Variants in USP32 observed in about 807,000 individuals in gnomAD.
USP32 encodes ubiquitin carboxyl-terminal hydrolase 32.
USP32 carries 59 observed loss-of-function variants against 204.8 expected under a neutral mutation model. That is an observed-to-expected ratio of 0.29 (90% confidence interval 0.23 to 0.36). The LOEUF (loss-of-function observed/expected upper bound fraction) is 0.36. Among genes scored for constraint, USP32 ranks in the 10% least tolerant of loss-of-function variants. The probability of loss-of-function intolerance (pLI) is 1.00; values close to 1 mark genes in which losing one functional copy is unlikely to be tolerated. For missense variants in USP32, 1,160 were observed against 1,946.4 expected (o/e 0.60, Z 7.60); for synonymous variants, 517 against 678.4 (o/e 0.76, Z 3.70).
At chr17:60,360,565 A>G (rs1342398403) in intron 1 of USP32, among the ~76,000 whole-genome samples, 1 of 151,910 alleles carries the variant, frequency 6.6e-6, no homozygotes, top group Admixed American at 6.6e-5. Flanking sequence ...AGGCTGAGGC[A>G]GGAGAATTGC....
intron 1 of USP32, among the ~76,000 whole-genome samples, chr17:60,354,168 G>T (rs973944090): frequency 6.6e-6 from 1 of 152,052 alleles, no homozygotes; most frequent in Non-Finnish European, 1.5e-5. Flanking sequence ...CAATACTGGT[G>T]TTCTATTCCC....
intron 2 of USP32, among the ~76,000 whole-genome samples, chr17:60,307,727 C>T (rs989234786): frequency 3.9e-5 from 6 of 152,226 alleles, no homozygotes; most frequent in African/African-American, 1.4e-4. Flanking sequence ...GCCCACAGAC[C>T]TAGGTGAGGA....
At chr17:60,290,042 A>G (rs905912011) in intron 4 of USP32, among the ~76,000 whole-genome samples, 22 of 152,208 alleles carry the variant, frequency 1.4e-4, no homozygotes, top group Non-Finnish European at 2.8e-4. Context: ...AAAGTGGATC[A>G]TACAAATTGG....
intron 4 of USP32, among the ~76,000 whole-genome samples, chr17:60,292,331 A>G (rs1395956151): frequency 2.6e-5 from 4 of 152,126 alleles, no homozygotes; most frequent in South Asian, 4.1e-4. Flanking sequence ...TAAGCCAACA[A>G]CAAATCCTTT....
Position 60,345,478 on chromosome 17 carries a change from T to C in USP32, c.186+3A>G. The C allele has an allele frequency of 1.9e-6, 3 of 1,613,100 alleles. No individual in the cohort carries two copies. The highest frequency in any genetic ancestry group is 2.2e-5 in the South Asian group (2 of 90,968). Reference sequence around the variant, plus strand: ...AAAGGAAAACTTAGAACAAAAAGATTACCTCAGCAACCTTTGGAGGCACTC... The same window carrying C: ...AAAGGAAAACTTAGAACAAAAAGATCACCTCAGCAACCTTTGGAGGCACTC... On this transcript the variant is annotated splice_donor_region_variant and intron_variant, in intron 2 of 33. Transcript: ENST00000300896.
rs754115244 is a variant in USP32 at position 60,183,468 on chromosome 17, G to A, written c.3835-15C>T. 2 of 1,574,648 alleles carry A rather than the reference G, an allele frequency of 1.3e-6. No homozygotes were observed. The highest frequency in any genetic ancestry group is 1.2e-5 in the South Asian group (1 of 85,000). On this transcript the variant is annotated splice_polypyrimidine_tract_variant and intron_variant, in intron 30 of 33. Transcript: ENST00000300896. ...AGGTGAATAATCTGGAGAAGTAAAG[G>A]TAGAAAACATCTGCATTAAAGGGTT...
intron 2 of USP32, among the ~76,000 whole-genome samples, chr17:60,324,455 CT>C (rs1458012846): frequency 2.0e-5 from 3 of 152,024 alleles, no homozygotes; most frequent in Non-Finnish European, 4.4e-5. Flanking sequence ...CTCATTTCCC[CT>C]ACCCCTGAGA....
At chr17:60,416,453 C>T (rs549088788) in intron 1 of USP32, among the ~76,000 whole-genome samples, 1 of 152,064 alleles carries the variant, frequency 6.6e-6, no homozygotes, top group South Asian at 2.1e-4. Flanking sequence ...ACCCACAACC[C>T]CCTCACCTGC....
chr17:60,386,844 T>C (rs924336843), intron 1 of USP32, among the ~76,000 whole-genome samples: 4 of 152,168 alleles, frequency 2.6e-5, no homozygotes, highest in Admixed American at 1.3e-4. Context: ...AACTAAAGAT[T>C]AGTGAGGTGA....
In USP32 at chr17:60,252,447, G is replaced by C. The variant is rs752641571; in HGVS notation, c.1075-5C>G. The C allele has an allele frequency of 3.1e-6, 5 of 1,598,068 alleles. No homozygotes were observed. Among genetic ancestry groups the C allele is most frequent in the Non-Finnish European group, 4.3e-6 (5 of 1,172,714 alleles). On this transcript the variant is annotated splice_polypyrimidine_tract_variant and splice_region_variant and intron_variant, in intron 10 of 33. Coordinates refer to ENST00000300896, the MANE Select transcript of USP32 (RefSeq NM_032582.4). ...CCCCAGAACTATGTGACACACCTAG[G>C]GAAAAAAATGGTAAATCAAAGTTTA... is the stretch of plus-strand genomic sequence containing the variant.
chr17:60,352,464 G>A (rs1239446811), intron 1 of USP32, among the ~76,000 whole-genome samples: 2 of 152,128 alleles, frequency 1.3e-5, no homozygotes, highest in African/African-American at 4.8e-5. Flanking sequence ...CCAGATTTAC[G>A]TGTGAGAAAA....
chr17:60,403,931 C>T (rs2089955841), intron 1 of USP32, among the ~76,000 whole-genome samples: 1 of 151,542 alleles, frequency 6.6e-6, no homozygotes, highest in Non-Finnish European at 1.5e-5. Context: ...GTCCCAGCTA[C>T]TTGGGCAGCT....
rs568652713 is a variant in USP32 at position 60,419,297 on chromosome 17, A to G, written c.106+2949T>C. Among the ~76,000 whole-genome samples the G allele has an allele frequency of 1.2e-3, 190 of 152,302 alleles. 1 individual carries two copies. Among genetic ancestry groups the G allele is most frequent in the African/African-American group, 4.5e-3 (185 of 41,566 alleles). ...CAAATACCGCATGTTCTCACTTATA[A>G]GTAGGAGCTAAATGATGAGAACACA... On this transcript the variant is annotated intron_variant, in intron 1 of 3. Coordinates refer to the USP32 transcript ENST00000588898.
intron 7 of USP32, among the ~76,000 whole-genome samples, chr17:60,266,294 T>C (rs899319737): frequency 5.9e-5 from 9 of 152,290 alleles, no homozygotes; most frequent in African/African-American, 1.4e-4. Flanking sequence ...TGAATCTGTA[T>C]CTCTAAATCA....
intron 2 of USP32, among the ~76,000 whole-genome samples, chr17:60,317,448 C>G (rs2088009713): frequency 1.4e-5 from 2 of 147,678 alleles, no homozygotes; most frequent in Non-Finnish European, 3.0e-5. Context: ...CCAAGGAGGT[C>G]AAGGCTACAG....
At chr17:60,209,677 T>A (rs1352846374) in intron 21 of USP32, 134 bp from the exon 22 acceptor site, 9 of 640,652 alleles carry the variant, frequency 1.4e-5, no homozygotes, top group Non-Finnish European at 2.2e-5. Flanking sequence ...TTTCAACAAA[T>A]ATATTTTGGA....
intron 12 of USP32, among the ~76,000 whole-genome samples, chr17:60,228,292 A>T (rs1489102086): frequency 6.6e-6 from 1 of 152,190 alleles, no homozygotes; most frequent in Non-Finnish European, 1.5e-5. Flanking sequence ...CTGGGATTAC[A>T]GGCGTGACCC....
intron 4 of USP32, among the ~76,000 whole-genome samples, chr17:60,292,268 T>A (rs955640606): frequency 3.3e-5 from 5 of 152,124 alleles, no homozygotes; most frequent in Non-Finnish European, 7.4e-5. Flanking sequence ...GGACTCATTC[T>A]TCCAACCTGT....
At position 60,265,411 on chromosome 17, in the gene USP32, C is replaced by T; in HGVS notation, c.990+1G>A. ...GATAAATTAGTTCTATCTAGACTCACCTTTGTGGTGTCATGTGCATTCAGT... is the reference window on the plus strand; with the variant it reads ...GATAAATTAGTTCTATCTAGACTCATCTTTGTGGTGTCATGTGCATTCAGT... On this transcript the variant is annotated splice_donor_variant, in intron 9 of 33. Coordinates refer to ENST00000300896, the MANE Select transcript of USP32 (RefSeq NM_032582.4). LOFTEE classifies it high-confidence loss of function. 1.9e-6 allele frequency: 3 copies of T among 1,594,982 alleles called. No homozygotes were observed. The highest frequency in any genetic ancestry group is 2.6e-6 in the Non-Finnish European group (3 of 1,164,556).
Sources: allele counts gnomAD v4.1 joint callset (sites outside exome capture counted in the v4.1 genomes callset), GRCh38; gene constraint gnomAD v4.1.1; transcripts MANE v1.5; gene names NCBI Gene and HGNC (gene_info 2026-07-23, HGNC 2026-07-21).